CTNNA2: variants seen among roughly 807,000 people sequenced by gnomAD.
CTNNA2 encodes the protein catenin alpha-2.
Under a neutral mutation model 101.0 loss-of-function variants are expected in CTNNA2, and 42 were observed. The ratio of observed to expected loss-of-function variants is 0.42; its 90% CI spans 0.32 to 0.54. The LOEUF (loss-of-function observed/expected upper bound fraction) is 0.54, where lower values mean the gene tolerates loss of function less well. Ranked by LOEUF, CTNNA2 falls within the 20% of genes least tolerant of loss-of-function variation. The pLI is 0.14. For missense variants in CTNNA2, 871 were observed against 1,223.1 expected, an observed-to-expected ratio of 0.71 and a Z score of 4.29; for synonymous variants, 450 against 456.4, an observed-to-expected ratio of 0.99 and a Z score of 0.18.
At chr2:80,240,565 T>C (rs1350547942) in intron 7 of CTNNA2, among the ~76,000 whole-genome samples, 1 of 152,184 alleles carries the variant, frequency 6.6e-6, no homozygotes, top group Non-Finnish European at 1.5e-5. Context: ...TAACATATAT[T>C]CGTACTCATT....
intron 2 of CTNNA2, among the ~76,000 whole-genome samples, chr2:79,715,668 A>C (rs1463419155): frequency 1.3e-5 from 2 of 152,164 alleles, no homozygotes; most frequent in African/African-American, 4.8e-5. Context: ...AAGGCTTAGG[A>C]ATTAAATTCA....
intron 1 of CTNNA2, among the ~76,000 whole-genome samples, chr2:79,620,240 A>C (rs1678907837): frequency 6.6e-6 from 1 of 152,168 alleles, no homozygotes; most frequent in Non-Finnish European, 1.5e-5. Context: ...CAGCTCTCCA[A>C]CTGCCCTTCC....
intron 6 of CTNNA2, among the ~76,000 whole-genome samples, chr2:79,877,043 T>A (rs1683077598): frequency 6.6e-6 from 1 of 151,720 alleles, no homozygotes; most frequent in African/African-American, 2.4e-5. Flanking sequence ...ACTAATTATA[T>A]TACTTATAAT....
intron 3 of CTNNA2, among the ~76,000 whole-genome samples, chr2:79,806,048 A>G (rs1233940436): frequency 6.6e-6 from 1 of 151,802 alleles, no homozygotes; most frequent in Non-Finnish European, 1.5e-5. Flanking sequence ...TAAGTTTTCC[A>G]TATGGTGTCA....
chr2:80,519,439 T>C (rs549795702), intron 9 of CTNNA2, among the ~76,000 whole-genome samples: 1 of 152,250 alleles, frequency 6.6e-6, no homozygotes, highest in South Asian at 2.1e-4. Context: ...TGAAAAAAAA[T>C]CACACTCTAG....
At chr2:79,272,035 A>G (rs1459137456) in intron 2 of CTNNA2, among the ~76,000 whole-genome samples, 1 of 152,046 alleles carries the variant, frequency 6.6e-6, no homozygotes, top group Non-Finnish European at 1.5e-5. Flanking sequence ...AGTGACTTAC[A>G]GCAATAATAA....
chr2:79,572,743 C>A (rs1234572987), intron 1 of CTNNA2, among the ~76,000 whole-genome samples: 1 of 152,078 alleles, frequency 6.6e-6, no homozygotes, highest in Non-Finnish European at 1.5e-5. Context: ...CACACTAAGA[C>A]TTTGTTTAAA....
chr2:79,241,884 ATTTTCTTTTCTTTTC>A (rs3979579), intron 2 of CTNNA2, among the ~76,000 whole-genome samples: 439 of 149,238 alleles, frequency 2.9e-3, no homozygotes, highest in African/African-American at 0.01. Flanking sequence ...ACATTTGGGT[ATTTTCTTTTCTTTTC>A]TTTTCTTTTC....
At chr2:80,099,582 G>C (rs1188376320) in intron 7 of CTNNA2, among the ~76,000 whole-genome samples, 1 of 152,158 alleles carries the variant, frequency 6.6e-6, no homozygotes, top group Non-Finnish European at 1.5e-5. Context: ...AAGGGGCTGA[G>C]TATTAATGTA....
intron 4 of CTNNA2, among the ~76,000 whole-genome samples, chr2:79,444,581 G>A: frequency 6.6e-6 from 1 of 151,888 alleles, no homozygotes; most frequent in East Asian, 1.9e-4. Flanking sequence ...TTCCTTCCCT[G>A]CCTCTCCACC....
At chr2:79,267,339 A>T (rs922785163) in intron 2 of CTNNA2, among the ~76,000 whole-genome samples, 8 of 152,010 alleles carry the variant, frequency 5.3e-5, no homozygotes, top group Non-Finnish European at 1.2e-4. Context: ...TCACTGTCTG[A>T]TGAGGACATG....
chr2:80,353,084 C>G (rs904510914), intron 7 of CTNNA2, among the ~76,000 whole-genome samples: 1 of 152,126 alleles, frequency 6.6e-6, no homozygotes, highest in Admixed American at 6.6e-5. Context: ...CCTAGTTCAT[C>G]TTGTTCCACC....
intron 7 of CTNNA2, among the ~76,000 whole-genome samples, chr2:79,938,228 T>C (rs552467980): frequency 6.6e-6 from 1 of 152,300 alleles, no homozygotes; most frequent in Non-Finnish European, 1.5e-5. Context: ...GAGCCCTTTG[T>C]TTTTATAGAT....
At chr2:79,379,587 G>A (rs1441174805) in intron 4 of CTNNA2, among the ~76,000 whole-genome samples, 1 of 152,114 alleles carries the variant, frequency 6.6e-6, no homozygotes, top group Non-Finnish European at 1.5e-5. Context: ...CATATCTGTT[G>A]AACTGAATTG....
intron 7 of CTNNA2, among the ~76,000 whole-genome samples, chr2:80,259,956 T>C (rs564672505): frequency 1.1e-4 from 17 of 152,290 alleles, no homozygotes; most frequent in African/African-American, 4.1e-4. Flanking sequence ...ATGTGGCCAA[T>C]AAGAATAAGA....
At chr2:79,541,409 TAC>T (rs1209817983) in intron 1 of CTNNA2, among the ~76,000 whole-genome samples, 57 of 81,840 alleles carry the variant, frequency 7.0e-4, no homozygotes, top group African/African-American at 2.4e-3. Context: ...TATATACACA[TAC>T]ACACACGCAC....
At chr2:79,516,713 G>A (rs1198814068) in intron 1 of CTNNA2, among the ~76,000 whole-genome samples, 1 of 152,152 alleles carries the variant, frequency 6.6e-6, no homozygotes, top group Non-Finnish European at 1.5e-5. Context: ...TGGAATCCAT[G>A]ATCGGTGTCA....
intron 2 of CTNNA2, among the ~76,000 whole-genome samples, chr2:79,722,711 A>G (rs1374321796): frequency 6.6e-6 from 1 of 152,204 alleles, no homozygotes; most frequent in African/African-American, 2.4e-5. Context: ...CGGAATTGCT[A>G]CAAGGACATG....
chr2:80,248,540 C>A (rs1265418636), intron 7 of CTNNA2, among the ~76,000 whole-genome samples: 1 of 152,180 alleles, frequency 6.6e-6, no homozygotes, highest in African/African-American at 2.4e-5. Flanking sequence ...TGTGTCATTT[C>A]ATCATAGTTA....
Sources: gnomAD v4.1 joint callset for allele counts (sites outside exome capture counted in the v4.1 genomes callset) on GRCh38, gnomAD v4.1.1 for gene constraint, MANE v1.5 for transcripts, NCBI Gene and HGNC (gene_info 2026-07-23, HGNC 2026-07-21) for gene names.